Variants in MLLT1 observed in about 807,000 individuals in gnomAD.
MLLT1 encodes the protein protein ENL.
In MLLT1, 11 loss-of-function variants were observed where a neutral mutation model predicts 55.1. That is an observed-to-expected ratio of 0.20 (90% CI 0.13 to 0.33). The LOEUF is 0.33. Ranked by LOEUF, MLLT1 falls within the 10% of genes least tolerant of loss-of-function variation. MLLT1 has a pLI of 1.00. For missense variants in MLLT1, 536 were observed against 760.6 expected (o/e 0.70, Z 3.47); for synonymous variants, 323 against 320.1 (o/e 1.01, Z -0.10).
intron 10 of MLLT1, 65 bp downstream of exon 10, chr19:6,213,661 C>T: frequency 6.9e-7 from 1 of 1,446,528 alleles, no homozygotes; most frequent in Non-Finnish European, 9.7e-7. Context: ...GGGTCCTCCA[C>T]TGGCTGCAAC....
intron 3 of MLLT1, among the ~76,000 whole-genome samples, chr19:6,255,198 T>C (rs991292316): frequency 6.6e-6 from 1 of 152,100 alleles, no homozygotes; most frequent in Non-Finnish European, 1.5e-5. Flanking sequence ...AAGAATAAAA[T>C]ACCTAGGAAT....
chr19:6,218,410 A>G (rs896263037), intron 6 of MLLT1, among the ~76,000 whole-genome samples: 5 of 152,244 alleles, frequency 3.3e-5, no homozygotes, highest in African/African-American at 1.2e-4. Context: ...CCTTCGTCCA[A>G]GAGGGCAGGC....
At position 6,227,669 on chromosome 19, in the gene MLLT1, G is replaced by A. The variant is rs949545004; in HGVS notation, c.421-567C>T. Among the ~76,000 whole-genome samples the A allele has an allele frequency of 6.6e-6, 1 of 152,122 alleles. No homozygotes were observed. Among genetic ancestry groups the A allele is most frequent in the Non-Finnish European group, 1.5e-5 (1 of 68,012 alleles). On this transcript the variant is annotated intron_variant, in intron 4 of 11. Transcript: ENST00000252674. The surrounding 1 kb of genome is among the most constrained non-coding windows in gnomAD (Gnocchi z 5.1). ...CCAAGGCAGACGACCTGTGCCTACT[G>A]GGGGGGTCTCTCTGCAAAGCAGGCC...
intron 3 of MLLT1, among the ~76,000 whole-genome samples, chr19:6,236,804 G>C (rs140903691): frequency 6.6e-6 from 1 of 152,242 alleles, no homozygotes; most frequent in African/African-American, 2.4e-5. Context: ...CCTGGCAGCA[G>C]GCTCCGTGAG....
rs1160175938 is a variant in MLLT1, at chr19:6,216,544, A to T, written c.1199-31T>A. 7 of 1,477,690 alleles carry T rather than the reference A, an allele frequency of 4.7e-6. No individual in the cohort carries two copies. The South Asian group carries it at 8.4e-5, about 18-fold the overall frequency. The allele number at this position is 1,477,690 out of a possible 1,614,324, so 91.5% of individuals were successfully genotyped here. A position where few individuals can be genotyped will look rare whatever the true frequency, so the allele number is the denominator to read the frequency against. The stretch of plus-strand genomic sequence containing the variant: ...GAGGCGGGGCAGGGAGGGAGGGGAG[A>T]CAAGGGCAGGGCTCCACTGAGCCTC... On this transcript the variant is annotated intron_variant, in intron 7 of 11. Transcript: ENST00000252674.
At chr19:6,220,487 T>A (rs2090887554) in intron 6 of MLLT1, among the ~76,000 whole-genome samples, 1 of 152,248 alleles carries the variant, frequency 6.6e-6, no homozygotes, top group Non-Finnish European at 1.5e-5. Context: ...CCAGCCACTC[T>A]AAGCAGCGGC....
intron 8 of MLLT1, among the ~76,000 whole-genome samples, chr19:6,214,759 A>AACCATCACTTC (rs2090822280): frequency 6.6e-6 from 1 of 152,104 alleles, no homozygotes; most frequent in African/African-American, 2.4e-5. Context: ...GGCCCCTGAC[A>AACCATCACTTC]ACCATCACTT....
At chr19:6,214,138 AG>A (rs2090814210) in intron 8 of MLLT1, 100 bp from the exon 9 acceptor site, 2 of 590,932 alleles carry the variant, frequency 3.4e-6, no homozygotes, top group African/African-American at 4.2e-5. Flanking sequence ...TCGGTGCCTG[AG>A]CCCACACACC....
rs190442552 is a variant in MLLT1 at position 6,245,738 on chromosome 19, T to A, written c.277-15025A>T. ...AAAATAAACAAATAAAATTTTTTTT[T>A]AAAAAGAAAAACTCACTGGGTGTGG... On this transcript the variant is annotated intron_variant, in intron 3 of 11. Transcript: ENST00000252674. 1.6e-3 allele frequency among the ~76,000 whole-genome samples: 227 copies of A among 141,138 alleles called. 1 individual carries two copies. The highest frequency in any genetic ancestry group is 8.1e-3 in the Middle Eastern group (2 of 246). The allele number at this position is 141,138 out of a possible 152,430, so 92.6% of individuals were successfully genotyped here. A position where few individuals can be genotyped will look rare whatever the true frequency, so the allele number is the denominator to read the frequency against.
chr19:6,216,539 G>T, intron 7 of MLLT1, 26 bp from the exon 8 acceptor site: 1 of 1,486,452 alleles, frequency 6.7e-7, no homozygotes, highest in Non-Finnish European at 9.2e-7. Context: ...AGGGAGGGAG[G>T]GGAGACAAGG....
rs956900563 is a variant in MLLT1 at position 6,212,545 on chromosome 19, C to G, written c.*497G>C. On this transcript the variant is annotated 3_prime_UTR_variant, in exon 12 of 12. Transcript: ENST00000252674. ...CAGCGCAGCGCGAGCCGGGGAGGAG[C>G]CGGCGCTAGGTCTACACGGAGGACG... 10 of 1,079,274 alleles carry G rather than the reference C, an allele frequency of 9.3e-6. No homozygotes were observed. Among genetic ancestry groups the G allele is most frequent in the Non-Finnish European group, 1.1e-5 (10 of 889,226 alleles). 66.9% of individuals were successfully genotyped at this position (1,079,274 alleles called of 1,614,324 possible). A position where few individuals can be genotyped will look rare whatever the true frequency, so the allele number is the denominator to read the frequency against.
At chr19:6,221,067 C>T (rs1368800875) in intron 6 of MLLT1, among the ~76,000 whole-genome samples, 1 of 152,204 alleles carries the variant, frequency 6.6e-6, no homozygotes. Flanking sequence ...CCATGAGGGC[C>T]CTGGGGGCAA....
At chr19:6,213,681 C>T in intron 10 of MLLT1, 45 bp downstream of exon 10, 1 of 1,132,224 alleles carries the variant, frequency 8.8e-7, no homozygotes, top group Non-Finnish European at 1.3e-6. Flanking sequence ...CTCCCACCAC[C>T]CACCCCTCCG....
intron 3 of MLLT1, among the ~76,000 whole-genome samples, chr19:6,238,332 G>T (rs1358940029): frequency 6.6e-6 from 1 of 152,234 alleles, no homozygotes; most frequent in African/African-American, 2.4e-5. Flanking sequence ...TAGCCAGAAT[G>T]ATATTGTGGT....
At chr19:6,244,043 C>CAA (rs1179461309) in intron 3 of MLLT1, among the ~76,000 whole-genome samples, 544 of 44,976 alleles carry the variant, frequency 0.012, 13 homozygotes, top group African/African-American at 0.039. Flanking sequence ...GACTCCACCT[C>CAA]AAAAAAAAAA....
At chr19:6,249,604 G>A (rs2144915582) in intron 3 of MLLT1, among the ~76,000 whole-genome samples, 1 of 152,310 alleles carries the variant, frequency 6.6e-6, no homozygotes, top group East Asian at 1.9e-4. Context: ...TGATGGGAGG[G>A]AGGCCACCCG....
At chr19:6,213,672 T>TTCCCCC in intron 10 of MLLT1, 54 bp downstream of exon 10, 43 of 1,075,152 alleles carry the variant, frequency 4.0e-5, no homozygotes, top group South Asian at 1.7e-4. Context: ...TGGCTGCAAC[T>TTCCCCC]CCCACCACCC....
At chr19:6,257,739 T>C (rs2091269689) in intron 3 of MLLT1, among the ~76,000 whole-genome samples, 1 of 151,928 alleles carries the variant, frequency 6.6e-6, no homozygotes, top group African/African-American at 2.4e-5. Context: ...AGGCAGAGGT[T>C]GTAGTGAGCC....
At chr19:6,221,896 A>C (rs1214118461) in intron 6 of MLLT1, among the ~76,000 whole-genome samples, 13 of 152,214 alleles carry the variant, frequency 8.5e-5, no homozygotes, top group Admixed American at 1.3e-4. Context: ...GCCACCGAGG[A>C]GGCGAGGAGG....
Sources: gnomAD v4.1 joint callset for allele counts (sites outside exome capture counted in the v4.1 genomes callset) on GRCh38, gnomAD v4.1.1 for gene constraint, Gnocchi (gnomAD v3.1) non-coding constraint, MANE v1.5 for transcripts, NCBI Gene and HGNC (gene_info 2026-07-23, HGNC 2026-07-21) for gene names.